Variants in MAP3K15 observed in about 807,000 individuals in gnomAD.
The protein encoded by MAP3K15 is mitogen-activated protein kinase kinase kinase 15.
A neutral mutation model predicts 99.5 loss-of-function variants in MAP3K15; 124 were observed. The ratio of observed to expected loss-of-function variants is 1.25; its 90% CI spans 1.08 to 1.45. The LOEUF (loss-of-function observed/expected upper bound fraction) is 1.45, where lower values mean the gene tolerates loss of function less well. Among genes scored for constraint, MAP3K15 ranks in the 40% most tolerant of loss-of-function variants. The probability of loss-of-function intolerance (pLI) is 0.00; values close to 1 mark genes in which losing one functional copy is unlikely to be tolerated. For missense variants in MAP3K15, 1,242 were observed against 1,079.7 expected, an observed-to-expected ratio of 1.15 and a Z score of -2.11; for synonymous variants, 494 against 439.6, an observed-to-expected ratio of 1.12 and a Z score of -1.55.
At chrX:19,463,203 CAT>C (rs1289867710) in intron 4 of MAP3K15, among the ~76,000 whole-genome samples, 2 of 112,175 alleles carry the variant, frequency 1.8e-5, no homozygotes, top group African/African-American at 3.2e-5. Flanking sequence ...TGTGGTCACA[CAT>C]GTTTAGGTTT....
intron 3 of MAP3K15, among the ~76,000 whole-genome samples, chrX:19,483,255 C>T (rs1484407421): frequency 2.4e-5 from 2 of 84,013 alleles, no homozygotes; most frequent in African/African-American, 5.7e-5. Context: ...AAGACTCCAT[C>T]TCAAAAAAAA....
chrX:19,450,156 A>G (rs1213435984), intron 6 of MAP3K15, among the ~76,000 whole-genome samples: 1 of 109,919 alleles, frequency 9.1e-6, no homozygotes, highest in African/African-American at 3.2e-5. Flanking sequence ...ATCTGTCTTC[A>G]GAACCCATTG....
intron 3 of MAP3K15, among the ~76,000 whole-genome samples, chrX:19,468,912 T>C (rs2064187832): frequency 9.0e-6 from 1 of 111,674 alleles, no homozygotes; most frequent in Admixed American, 9.6e-5. Context: ...GATTTGGCTC[T>C]CTGTCTGTTA....
rs755724351 is a variant in MAP3K15, at chrX:19,373,648, T to C, written c.2821A>G (p.Met941Val). The change falls in exon 21 of 29, where the codon ATG becomes GTG. Residue 941 changes from methionine to valine, a missense_variant. By Grantham distance (21) the Met-to-Val change is conservative. Coordinates refer to ENST00000338883, the MANE Select transcript of MAP3K15 (RefSeq NM_001001671.4). ...VLALPTQGEP[M>V]ATSSSEHGSV... ...CCGTGCTCGCTGCTGCTGGTGGCCA[T>C]GGGCTCTCCCTGTGTGGGCAGGGCC... The C allele has an allele frequency of 6.7e-6, 8 of 1,199,405 alleles. 1 individual carries two copies. The South Asian group carries it at 1.4e-4, about 22-fold the overall frequency.
intron 25 of MAP3K15, among the ~76,000 whole-genome samples, chrX:19,364,843 A>G (rs2063322766): frequency 1.9e-5 from 2 of 105,015 alleles, no homozygotes; most frequent in African/African-American, 7.2e-5. Context: ...CGGTGAGCCA[A>G]GATGGCACCA....
chrX:19,451,431 C>A (rs1244298715), intron 6 of MAP3K15, among the ~76,000 whole-genome samples: 3 of 99,129 alleles, frequency 3.0e-5, no homozygotes, highest in Non-Finnish European at 4.1e-5. Flanking sequence ...GAGTCAATAG[C>A]CAGAATATAT....
At chrX:19,364,146 C>T (rs1043513737) in intron 25 of MAP3K15, among the ~76,000 whole-genome samples, 4 of 112,025 alleles carry the variant, frequency 3.6e-5, no homozygotes, top group Non-Finnish European at 5.6e-5. Context: ...TTCTAAACCC[C>T]TGTTTTGAAG....
At chrX:19,506,760 A>G (rs1362992306) in intron 1 of MAP3K15, among the ~76,000 whole-genome samples, 3 of 110,466 alleles carry the variant, frequency 2.7e-5, no homozygotes, top group Admixed American at 9.6e-5. Flanking sequence ...CTGACCTCCA[A>G]TGATCCGCCT....
chrX:19,425,734 T>C (rs995588603), intron 8 of MAP3K15, 44 bp from the exon 9 acceptor site: 2 of 1,121,230 alleles, frequency 1.8e-6, no homozygotes. Flanking sequence ...TCTTTTTTAG[T>C]TTCTGTCATA....
At chrX:19,364,111 C>T (rs938578623) in intron 25 of MAP3K15, among the ~76,000 whole-genome samples, 5 of 112,110 alleles carry the variant, frequency 4.5e-5, no homozygotes, top group Non-Finnish European at 7.5e-5. Flanking sequence ...TGAAGCCCTG[C>T]GGCACTTCTA....
chrX:19,477,707 G>GA (rs770275001), intron 3 of MAP3K15, among the ~76,000 whole-genome samples: 257 of 20,642 alleles, frequency 0.012, 5 homozygotes, highest in Middle Eastern at 0.087. Context: ...AAGAGTGTTA[G>GA]AAAAAAAAAA....
chrX:19,362,227 AATC>A (rs1286457953), intron 26 of MAP3K15, among the ~76,000 whole-genome samples: 1 of 97,863 alleles, frequency 1.0e-5, no homozygotes, highest in Non-Finnish European at 2.0e-5. Flanking sequence ...TGGCCTTTTG[AATC>A]TTTTTTTTTT....
chrX:19,431,314 C>T (rs935267305), intron 7 of MAP3K15, 124 bp downstream of exon 7: 1 of 629,070 alleles, frequency 1.6e-6, no homozygotes, highest in Non-Finnish European at 2.3e-6. Flanking sequence ...ACCACATTTA[C>T]TACAAATGTT....
At chrX:19,429,148 G>C (rs1334878360) in intron 7 of MAP3K15, among the ~76,000 whole-genome samples, 1 of 110,794 alleles carries the variant, frequency 9.0e-6, no homozygotes, top group Non-Finnish European at 1.9e-5. Context: ...AAAGTGTTCA[G>C]GACACCTAGA....
Position 19,373,689 on chromosome X carries a change from G to A in MAP3K15, c.2780C>T (p.Pro927Leu). Reference protein sequence around the residue: ...NRIAFKPSEGPRGVVLALPTQ... With the variant: ...NRIAFKPSEGLRGVVLALPTQ... ...GGGCAGGGCCAGGACGACACCGCGGGGACCTTCTGTAGGGGGACAGCCAGA... is the reference window on the plus strand; with the variant it reads ...GGGCAGGGCCAGGACGACACCGCGGAGACCTTCTGTAGGGGGACAGCCAGA... Residue 927 changes from proline to leucine, a missense_variant, in exon 21 of 29, where the codon CCC (proline) becomes CTC (leucine). Physicochemically the swap from Pro to Leu is moderately conservative, Grantham distance 98 (BLOSUM62 -3). Coordinates refer to ENST00000338883, the MANE Select transcript of MAP3K15 (RefSeq NM_001001671.4). 1 of 1,198,937 alleles carries A rather than the reference G, an allele frequency of 8.3e-7. No homozygotes were observed. Among genetic ancestry groups the A allele is most frequent in the Non-Finnish European group, 1.1e-6 (1 of 894,179 alleles).
In MAP3K15 at chrX:19,426,259, A is replaced by C; in HGVS notation, c.1251T>G (p.Phe417Leu). Reference protein sequence around the residue: ...AVLLIVAGQQFETSLELRKIG... With the variant: ...AVLLIVAGQQLETSLELRKIG... ...TTTTCCTTAGTTCCAAGGAAGTTTC[A>C]AATTGTTGTCCAGCAACAATCAGCA... The change falls in exon 8 of 29, where the codon TTT becomes TTG. Residue 417 changes from phenylalanine (F) to leucine (L), a missense_variant. Transcript: ENST00000338883. 2 of 1,157,903 alleles carry C rather than the reference A, an allele frequency of 1.7e-6. No individual in the cohort carries two copies. Among genetic ancestry groups the C allele is most frequent in the Non-Finnish European group, 2.3e-6 (2 of 869,971 alleles).
In MAP3K15 at chrX:19,456,816, C is replaced by T. The variant is rs1345537480; in HGVS notation, c.995+97G>A. 11 of 577,048 alleles carry T rather than the reference C, an allele frequency of 1.9e-5. No homozygotes were observed. The African/African-American group carries it at 2.5e-4, about 13-fold the overall frequency. The allele number at this position is 577,048 out of a possible 1,213,427, so 47.6% of individuals were successfully genotyped here. On this transcript the variant is annotated intron_variant, in intron 6 of 28. Coordinates refer to ENST00000338883, the MANE Select transcript of MAP3K15 (RefSeq NM_001001671.4). ...CCATCTTCATAACCTTGGCATTTAG[C>T]ACGTGACCTGGCTCATACCCGATGT...
intron 2 of MAP3K15, among the ~76,000 whole-genome samples, chrX:19,488,572 T>C (rs2064345130): frequency 9.0e-6 from 1 of 111,416 alleles, no homozygotes; most frequent in Admixed American, 9.6e-5. Flanking sequence ...TGGAAACTAA[T>C]AGGAGTGTTT....
At chrX:19,427,009 C>T (rs1410551699) in intron 7 of MAP3K15, among the ~76,000 whole-genome samples, 1 of 109,930 alleles carries the variant, frequency 9.1e-6, no homozygotes, top group Admixed American at 9.8e-5. Flanking sequence ...AAGATCACCA[C>T]GATTTGATGT....
Sources: gnomAD v4.1 joint callset for allele counts (sites outside exome capture counted in the v4.1 genomes callset) on GRCh38, gnomAD v4.1.1 for gene constraint, MANE v1.5 for transcripts, NCBI Gene and HGNC (gene_info 2026-07-23, HGNC 2026-07-21) for gene names.